Variants in CCDC7 observed in about 807,000 individuals in gnomAD.
CCDC7 encodes coiled-coil domain-containing protein 7.
A neutral mutation model predicts 196.9 loss-of-function variants in CCDC7; 183 were observed. The ratio of observed to expected loss-of-function variants is 0.93; its 90% CI spans 0.82 to 1.05. CCDC7 has a LOEUF of 1.05. CCDC7 is among the 50% of genes least tolerant of loss of function. The pLI, the probability that CCDC7 is intolerant of heterozygous loss-of-function variation, is 0.00. For synonymous variants in CCDC7, 525 were observed against 484.6 expected, an observed-to-expected ratio of 1.08 and a Z score of -1.10; for missense variants, 1,540 against 1,482.2, an observed-to-expected ratio of 1.04 and a Z score of -0.64.
chr10:32,499,443 T>G (rs2043509990), intron 9 of CCDC7: 2 of 152,218 alleles, frequency 1.3e-5, no homozygotes, highest in Admixed American at 1.3e-4. Flanking sequence ...CTAATAAATC[T>G]CCTATCATTG....
chr10:32,778,900 GT>G, intron 28 of CCDC7, 76 bp from the exon 30 acceptor site: 1 of 1,002,952 alleles, frequency 1.0e-6, no homozygotes, highest in Non-Finnish European at 1.5e-6. Flanking sequence ...CACCTTCTTG[GT>G]TACATGCATT....
upstream of CCDC7, among the ~76,000 whole-genome samples, chr10:32,448,810 G>T (rs900222275): frequency 1.3e-5 from 2 of 151,768 alleles, no homozygotes; most frequent in African/African-American, 4.8e-5. Context: ...CAGTAGAATT[G>T]CTAATTATTT....
chr10:32,601,090 C>A (rs2060949895), intron 18 of CCDC7, among the ~76,000 whole-genome samples: 1 of 152,106 alleles, frequency 6.6e-6, no homozygotes, highest in Admixed American at 6.6e-5. Flanking sequence ...CTTATTGAGG[C>A]TCGCTTGTAT....
In CCDC7 at chr10:32,532,381, A is replaced by G. The variant is rs533525141; in HGVS notation, c.994-10919A>G. Among the ~76,000 whole-genome samples, 29 of 152,206 alleles carry G rather than the reference A, an allele frequency of 1.9e-4. No homozygotes were observed. The South Asian group carries it at 5.6e-3, about 29-fold the overall frequency. ...GTTAATTGATTTATAGTTTTATTCTATTTAAGTTACAAATTATACTTGATA... is the reference window on the plus strand; with the variant it reads ...GTTAATTGATTTATAGTTTTATTCTGTTTAAGTTACAAATTATACTTGATA... On this transcript the variant is annotated intron_variant, in intron 11 of 41. Transcript: ENST00000639629.
At chr10:32,845,375 C>G (rs1767507526) in intron 34 of CCDC7, 49 bp downstream of exon 35, 4 of 1,384,986 alleles carry the variant, frequency 2.9e-6, no homozygotes, top group Non-Finnish European at 3.0e-6. Flanking sequence ...GATTGATATT[C>G]CCTGAGTTAA....
chr10:32,545,345 G>T (rs1321471209), intron 13 of CCDC7, among the ~76,000 whole-genome samples: 2 of 152,088 alleles, frequency 1.3e-5, no homozygotes, highest in Admixed American at 6.5e-5. Context: ...TTAAATTATT[G>T]TTTATCAACA....
At chr10:32,872,332 G>A (rs889408015) in intron 41 of CCDC7, among the ~76,000 whole-genome samples, 6 of 151,730 alleles carry the variant, frequency 4.0e-5, no homozygotes, top group Non-Finnish European at 7.4e-5. Context: ...TTTGATCTTT[G>A]TTGGTTTATC....
chr10:32,452,791 C>A (rs2033418935), intron 1 of CCDC7, among the ~76,000 whole-genome samples: 1 of 152,106 alleles, frequency 6.6e-6, no homozygotes, highest in African/African-American at 2.4e-5. Flanking sequence ...AAAAAATTTC[C>A]TTTCTCTGAG....
At chr10:32,582,994 C>T (rs2058891207) in intron 16 of CCDC7, 40 bp from the exon 18 acceptor site, 1 of 1,191,216 alleles carries the variant, frequency 8.4e-7, no homozygotes, top group Non-Finnish European at 1.1e-6. Context: ...ATAAAATGGT[C>T]TTCACATAAT....
chr10:32,723,785 T>C (rs138405561), intron 25 of CCDC7, among the ~76,000 whole-genome samples: 1 of 152,120 alleles, frequency 6.6e-6, no homozygotes, highest in Non-Finnish European at 1.5e-5. Context: ...TCACTTTAGA[T>C]AGCTGGGTGA....
chr10:32,619,339 G>A (rs2063122054), intron 18 of CCDC7, among the ~76,000 whole-genome samples: 1 of 151,868 alleles, frequency 6.6e-6, no homozygotes, highest in Non-Finnish European at 1.5e-5. Flanking sequence ...AAAATGGTAG[G>A]ATGAGATAAA....
chr10:32,503,487 T>C (rs1356662987), intron 9 of CCDC7, among the ~76,000 whole-genome samples: 1 of 152,220 alleles, frequency 6.6e-6, no homozygotes, highest in African/African-American at 2.4e-5. Flanking sequence ...TAAATTCCAC[T>C]TGATCATGGT....
chr10:32,528,360 A>G (rs888737699), intron 11 of CCDC7, among the ~76,000 whole-genome samples: 2 of 151,864 alleles, frequency 1.3e-5, no homozygotes, highest in African/African-American at 4.8e-5. Flanking sequence ...TCCATCACCC[A>G]AGCAGTGTAC....
At chr10:32,836,258 G>T (rs1454250671) in intron 33 of CCDC7, among the ~76,000 whole-genome samples, 1 of 152,012 alleles carries the variant, frequency 6.6e-6, no homozygotes, top group Non-Finnish European at 1.5e-5. Flanking sequence ...GCTCCCAGAG[G>T]AACAATATTA....
At chr10:32,481,437 C>G (rs1564403743) in intron 8 of CCDC7, among the ~76,000 whole-genome samples, 1 of 152,116 alleles carries the variant, frequency 6.6e-6, no homozygotes, top group Non-Finnish European at 1.5e-5. Flanking sequence ...TTACTCCCCT[C>G]TAAGCATTTT....
chr10:32,868,991 A>C (rs372177557), intron 41 of CCDC7, among the ~76,000 whole-genome samples: 10 of 152,062 alleles, frequency 6.6e-5, no homozygotes, highest in South Asian at 2.1e-4. Context: ...GGGTTGGTTC[A>C]AAGTCTTTGC....
chr10:32,700,630 A>G (rs878941301), intron 24 of CCDC7, among the ~76,000 whole-genome samples: 2 of 152,200 alleles, frequency 1.3e-5, no homozygotes, highest in Non-Finnish European at 2.9e-5. Flanking sequence ...CATTGAATCT[A>G]TAAATTACCT....
At chr10:32,533,216 A>C (rs2049952505) in intron 11 of CCDC7, among the ~76,000 whole-genome samples, 1 of 150,374 alleles carries the variant, frequency 6.7e-6, no homozygotes, top group African/African-American at 2.4e-5. Flanking sequence ...ATTTATCTTT[A>C]ATCCCAAATA....
At chr10:32,845,179 C>A in intron 33 of CCDC7, 64 bp from the exon 35 acceptor site, 1 of 948,872 alleles carries the variant, frequency 1.1e-6, no homozygotes. Flanking sequence ...TAAACACATA[C>A]ACATACTCAG....
Sources: gnomAD v4.1 joint callset for allele counts (sites outside exome capture counted in the v4.1 genomes callset) on GRCh38, gnomAD v4.1.1 for gene constraint, MANE v1.5 for transcripts, NCBI Gene and HGNC (gene_info 2026-07-23, HGNC 2026-07-21) for gene names.